Variants in ACSL6 observed in about 807,000 individuals in gnomAD.
The protein encoded by ACSL6 is long-chain-fatty-acid--CoA ligase 6.
ACSL6 carries 47 observed loss-of-function variants against 98.2 expected under a neutral mutation model. The observed-to-expected ratio is 0.48, with a 90% CI of 0.38 to 0.61. The LOEUF is 0.61. ACSL6 is among the 20% of genes least tolerant of loss of function. The probability of loss-of-function intolerance (pLI) is 0.00; values close to 1 mark genes in which losing one functional copy is unlikely to be tolerated. For synonymous variants in ACSL6, 362 were observed against 336.9 expected, an observed-to-expected ratio of 1.07 and a Z score of -0.82; for missense variants, 761 against 913.4, an observed-to-expected ratio of 0.83 and a Z score of 2.15.
intron 11 of ACSL6, chr5:131,973,814 G>A (rs908207348): frequency 1.6e-4 from 26 of 165,332 alleles, no homozygotes; most frequent in African/African-American, 6.0e-4. Context: ...CTGGGAAGGT[G>A]AAGGTGTGTA....
chr5:131,961,340 A>G (rs186722442), intron 18 of ACSL6, among the ~76,000 whole-genome samples: 1 of 152,198 alleles, frequency 6.6e-6, no homozygotes, highest in African/African-American at 2.4e-5. Context: ...TGATTTTTAA[A>G]GCATTTCTTT....
intron 1 of ACSL6, among the ~76,000 whole-genome samples, chr5:132,003,365 G>C (rs1219996079): frequency 1.3e-5 from 2 of 152,226 alleles, no homozygotes; most frequent in Non-Finnish European, 2.9e-5. Context: ...CTGTTGGCCT[G>C]TGAGAGCCTA....
chr5:131,995,271 A>C (rs1754737577), intron 1 of ACSL6, among the ~76,000 whole-genome samples: 1 of 152,154 alleles, frequency 6.6e-6, no homozygotes, highest in Non-Finnish European at 1.5e-5. Context: ...CCTCTCGGCC[A>C]CTAAGTGAGG....
chr5:131,964,474 C>T (rs1752904406), intron 17 of ACSL6, among the ~76,000 whole-genome samples: 1 of 152,256 alleles, frequency 6.6e-6, no homozygotes, highest in Non-Finnish European at 1.5e-5. Context: ...AGGCCCTGTG[C>T]TCAAGCACAA....
Position 132,011,271 on chromosome 5 carries a change from A to G in ACSL6, c.49+234T>C, listed in dbSNP as rs1755709906. Among the ~76,000 whole-genome samples the G allele has an allele frequency of 6.6e-6, 1 of 152,080 alleles. No homozygotes were observed. Among genetic ancestry groups the G allele is most frequent in the Non-Finnish European group, 1.5e-5 (1 of 68,006 alleles). ...GGGGGTTTGTGGTGGGGTCGCAGAG[A>G]GCAAGCCCTATATCTCCCTCCGCAG... On this transcript the variant is annotated intron_variant, in intron 1 of 20. Coordinates refer to ENST00000651883, the MANE Select transcript of ACSL6 (RefSeq NM_001009185.3). The surrounding 1 kb of genome is among the most constrained non-coding windows in gnomAD (Gnocchi z 5.4).
At chr5:131,968,128 G>T in intron 15 of ACSL6, 100 bp from the exon 16 acceptor site, 3 of 940,060 alleles carry the variant, frequency 3.2e-6, no homozygotes, top group South Asian at 1.6e-5. Flanking sequence ...CCAAAGTGGG[G>T]AATTATGGAT....
chr5:131,964,948 G>A (rs913149315), intron 17 of ACSL6, among the ~76,000 whole-genome samples: 4 of 152,192 alleles, frequency 2.6e-5, no homozygotes, highest in Non-Finnish European at 5.9e-5. Flanking sequence ...CCCGAGGTGA[G>A]TGTGCCCCCA....
At chr5:131,975,108 C>CAG in intron 10 of ACSL6, 138 bp from the exon 11 acceptor site, 1 of 1,409,582 alleles carries the variant, frequency 7.1e-7, no homozygotes, top group Non-Finnish European at 9.4e-7. Flanking sequence ...GTGGTGAGGA[C>CAG]AGAGAGAGAG....
intron 20 of ACSL6, among the ~76,000 whole-genome samples, chr5:131,958,221 C>T (rs1252241071): frequency 6.6e-6 from 1 of 152,142 alleles, no homozygotes; most frequent in African/African-American, 2.4e-5. Flanking sequence ...AAGCAGGAGG[C>T]GTGAAGGCCT....
At chr5:132,007,419 T>C (rs1755473916) in intron 1 of ACSL6, among the ~76,000 whole-genome samples, 3 of 152,264 alleles carry the variant, frequency 2.0e-5, no homozygotes, top group Admixed American at 2.0e-4. Context: ...GTCAGAATCC[T>C]GGATCCCCTT....
chr5:132,011,038 G>T lies in ACSL6; in HGVS notation c.49+467C>A, dbSNP rs935628189. Among the ~76,000 whole-genome samples the T allele has an allele frequency of 6.6e-6, 1 of 152,096 alleles. No individual in the cohort carries two copies. Among genetic ancestry groups the T allele is most frequent in the Non-Finnish European group, 1.5e-5 (1 of 67,994 alleles). ...GCTGAAGGACGGGCAGGGAGGGGTC[G>T]TGAGGAAGCCCCTCGCCGGGATCAG... On this transcript the variant is annotated intron_variant, in intron 1 of 20. Transcript: ENST00000651883. The surrounding 1 kb of genome is among the most constrained non-coding windows in gnomAD (Gnocchi z 5.4).
chr5:131,975,252 T>C, intron 10 of ACSL6: 1 of 1,273,060 alleles, frequency 7.9e-7, no homozygotes, highest in Middle Eastern at 3.1e-4. Context: ...CTAGGTTATC[T>C]GCAGAAGCAA....
Position 131,953,157 on chromosome 5 carries a change from C to T in ACSL6, c.*1077G>A, listed in dbSNP as rs925382185. 5 of 195,526 alleles carry T rather than the reference C, an allele frequency of 2.6e-5. No individual in the cohort carries two copies. Among genetic ancestry groups the T allele is most frequent in the Non-Finnish European group, 4.2e-5 (4 of 94,404 alleles). The allele number at this position is 195,526 out of a possible 1,614,324, so 12.1% of individuals were successfully genotyped here. A position where few individuals can be genotyped will look rare whatever the true frequency, so the allele number is the denominator to read the frequency against. ...GAGTCAACAGATGTCTTTTAGAATT[C>T]ATTATAATAAGAAGTCCATGAACAT... is the stretch of plus-strand genomic sequence containing the variant. On this transcript the variant is annotated 3_prime_UTR_variant, in exon 21 of 21. Transcript: ENST00000651883.
At position 131,973,632 on chromosome 5, in the gene ACSL6, C is replaced by G. The variant is rs1008912496; in HGVS notation, c.1069-232G>C. The G allele has an allele frequency of 1.4e-5, 6 of 425,210 alleles. No individual in the cohort carries two copies. In the South Asian group the frequency reaches 1.6e-4, roughly 11 times the overall value. The allele number at this position is 425,210 out of a possible 1,614,324, so 26.3% of individuals were successfully genotyped here. On this transcript the variant is annotated intron_variant, in intron 11 of 20. Transcript: ENST00000651883. Reference sequence around the variant, plus strand: ...GATGAAGCAGAAGATGGAGTGGAATCCTGAGCCTCTGGGAGATGCCAAAGC... The same window carrying G: ...GATGAAGCAGAAGATGGAGTGGAATGCTGAGCCTCTGGGAGATGCCAAAGC...
In ACSL6 at chr5:131,966,484, C is replaced by A; in HGVS notation, c.1645G>T (p.Asp549Tyr). Residue 549 changes from aspartate (D) to tyrosine (Y), a missense_variant, in exon 17 of 21, where the codon GAC becomes TAC. Coordinates refer to ENST00000651883, the MANE Select transcript of ACSL6 (RefSeq NM_001009185.3). ...NVFKGYLKDP[D>Y]RTKEALDSDG... ...CTGTCCAGGGCCTCCTTCGTCCTGT[C>A]TGGATCTTTCAAGTAGCCTTTGAAC... The A allele has an allele frequency of 6.2e-7, 1 of 1,614,200 alleles. No homozygotes were observed. Among genetic ancestry groups the A allele is most frequent in the East Asian group, 2.2e-5 (1 of 44,886 alleles).
At chr5:131,978,616 A>T (rs920011662) in intron 9 of ACSL6, among the ~76,000 whole-genome samples, 9 of 152,136 alleles carry the variant, frequency 5.9e-5, no homozygotes, top group African/African-American at 1.9e-4. Context: ...TGTAATTCTG[A>T]ATTAAGACTG....
intron 9 of ACSL6, chr5:131,981,711 A>G (rs2126862401): frequency 6.6e-6 from 1 of 152,354 alleles, no homozygotes; most frequent in Middle Eastern, 3.4e-3. Flanking sequence ...CAGTGTTGCT[A>G]TGAACATGAT....
chr5:131,975,139 A>C, intron 10 of ACSL6, 169 bp from the exon 11 acceptor site: 2 of 1,378,726 alleles, frequency 1.5e-6, no homozygotes, highest in Non-Finnish European at 9.5e-7. Context: ...AGAGAGAAGA[A>C]ATGAGAGAGA....
At chr5:131,964,535 A>G (rs1034423878) in intron 17 of ACSL6, among the ~76,000 whole-genome samples, 4 of 152,210 alleles carry the variant, frequency 2.6e-5, no homozygotes, top group Non-Finnish European at 5.9e-5. Flanking sequence ...TACCCCCTAA[A>G]TGGTGAATGG....
Sources: allele counts gnomAD v4.1 joint callset (sites outside exome capture counted in the v4.1 genomes callset), GRCh38; gene constraint gnomAD v4.1.1; non-coding constraint Gnocchi (gnomAD v3.1); transcripts MANE v1.5; gene names NCBI Gene and HGNC (gene_info 2026-07-23, HGNC 2026-07-21).